The following ANAPC5 variants were observed in gnomAD, a reference collection of about 807,000 sequenced individuals.
ANAPC5 encodes the protein anaphase promoting complex subunit 5.
In ANAPC5, 60 loss-of-function variants were observed where a neutral mutation model predicts 91.3. The ratio of observed to expected loss-of-function variants is 0.66; its 90% CI spans 0.53 to 0.81. ANAPC5 has a LOEUF of 0.81. ANAPC5 is among the 40% of genes least tolerant of loss of function. The pLI, the probability that ANAPC5 is intolerant of heterozygous loss-of-function variation, is 0.00. For missense variants in ANAPC5, 690 were observed against 931.5 expected (o/e 0.74, Z 3.37); for synonymous variants, 340 against 364.1 (o/e 0.93, Z 0.75).
intron 6 of ANAPC5, 56 bp from the exon 7 acceptor site, chr12:121,335,779 A>G: frequency 6.9e-7 from 1 of 1,440,668 alleles, no homozygotes; most frequent in Non-Finnish European, 9.6e-7. Context: ...CTGGTGTAAG[A>G]CAACTGCAGA....
chr12:121,352,352 ACT>A lies in ANAPC5; in HGVS notation c.-14_-13del, dbSNP rs781828900. 1.1e-5 allele frequency: 17 copies of A among 1,585,950 alleles called. No individual in the cohort carries two copies. The Admixed American group carries it at 3.0e-4, about 28-fold the overall frequency. ...TGGACGCTGGCCATGGCGGCCCGAG[ACT>A]AAGTCTCGGGCCCGCGGCGCGCTGC... is the stretch of plus-strand genomic sequence containing the variant. On this transcript the variant is annotated 5_prime_UTR_variant, in exon 1 of 17. Coordinates refer to ENST00000261819, the MANE Select transcript of ANAPC5 (RefSeq NM_016237.5).
At position 121,331,401 on chromosome 12, in the gene ANAPC5, C is replaced by A; in HGVS notation, c.978G>T (p.Glu326Asp). 1.2e-6 allele frequency: 2 copies of A among 1,609,072 alleles called. No individual in the cohort carries two copies. The highest frequency in any genetic ancestry group is 2.2e-5 in the South Asian group (2 of 90,970). Residue 326 changes from glutamate (E) to aspartate (D), a missense_variant, in exon 8 of 17, where the codon GAG (glutamate) becomes GAT (aspartate). Transcript: ENST00000261819. Reference sequence around the variant, plus strand: ...TGGACTCCTGGGCAATCCTAATTGCCTCCTGCAGGGCGAGCTCTGCCTGTT... The same window carrying A: ...TGGACTCCTGGGCAATCCTAATTGCATCCTGCAGGGCGAGCTCTGCCTGTT... ...HYQQAELALQ[E>D]AIRIAQESND...
At chr12:121,311,889 C>G (rs1032955529) in intron 15 of ANAPC5, among the ~76,000 whole-genome samples, 3 of 152,144 alleles carry the variant, frequency 2.0e-5, no homozygotes, top group African/African-American at 7.2e-5. Flanking sequence ...CAATATCCCA[C>G]CTTTCAATCG....
At position 121,308,321 on chromosome 12, in the gene ANAPC5, C is replaced by T; in HGVS notation, c.*159G>A. On this transcript the variant is annotated 3_prime_UTR_variant, in exon 17 of 17. Coordinates refer to ENST00000261819, the MANE Select transcript of ANAPC5 (RefSeq NM_016237.5). ...AAAAGGGAAGAAAAGGGGAATAAAA[C>T]AAATACGTAGTTACTAGCAACAAAA... is the stretch of plus-strand genomic sequence containing the variant. 3.2e-6 allele frequency: 2 copies of T among 621,098 alleles called. No homozygotes were observed. The highest frequency in any genetic ancestry group is 4.3e-5 in the South Asian group (2 of 46,458). 38.5% of individuals were successfully genotyped at this position (621,098 alleles called of 1,614,324 possible). A position where few individuals can be genotyped will look rare whatever the true frequency, so the allele number is the denominator to read the frequency against.
intron 15 of ANAPC5, among the ~76,000 whole-genome samples, chr12:121,314,485 C>T (rs1247583575): frequency 6.6e-6 from 1 of 151,934 alleles, no homozygotes; most frequent in Non-Finnish European, 1.5e-5. Context: ...AATCCAATAC[C>T]TTTTCATGAA....
intron 11 of ANAPC5, among the ~76,000 whole-genome samples, chr12:121,323,074 A>T (rs1902685357): frequency 6.6e-6 from 1 of 152,184 alleles, no homozygotes; most frequent in Non-Finnish European, 1.5e-5. Context: ...TGGAAATGAC[A>T]GGCACTTTTA....
intron 10 of ANAPC5, 163 bp from the exon 11 acceptor site, chr12:121,327,394 G>T: frequency 1.3e-6 from 1 of 797,274 alleles, no homozygotes; most frequent in Non-Finnish European, 1.9e-6. Context: ...TTGCCCTCAG[G>T]ATAAGAAAGG....
rs1430503368 is a variant in ANAPC5 at position 121,320,470 on chromosome 12, AAC to A, written c.1441-13_1441-12del. 7.4e-6 allele frequency: 12 copies of A among 1,613,104 alleles called. No homozygotes were observed. Among genetic ancestry groups the A allele is most frequent in the Non-Finnish European group, 1.0e-5 (12 of 1,179,192 alleles). On this transcript the variant is annotated splice_polypyrimidine_tract_variant and intron_variant, in intron 11 of 16. Coordinates refer to ENST00000261819, the MANE Select transcript of ANAPC5 (RefSeq NM_016237.5). Reference sequence around the variant, plus strand: ...TGCAGCAAAACAGCCCTAAAGTAGAAACACACAATTTGATCAGCATAACCTGT... The same window carrying A: ...TGCAGCAAAACAGCCCTAAAGTAGAAACACAATTTGATCAGCATAACCTGT...
intron 1 of ANAPC5, among the ~76,000 whole-genome samples, chr12:121,351,552 G>A (rs1428763194): frequency 2.0e-5 from 3 of 151,336 alleles, no homozygotes; most frequent in Admixed American, 6.6e-5. Flanking sequence ...CCGCTTCCCA[G>A]GTTCTAGCGA....
intron 10 of ANAPC5, 63 bp downstream of exon 10, chr12:121,328,253 C>A (rs1902898076): frequency 6.6e-7 from 1 of 1,517,454 alleles, no homozygotes; most frequent in East Asian, 2.3e-5. Flanking sequence ...TTTCACAGAA[C>A]CAGCTTGCTA....
At chr12:121,339,813 G>A (rs1903373907) in intron 5 of ANAPC5, among the ~76,000 whole-genome samples, 1 of 150,044 alleles carries the variant, frequency 6.7e-6, no homozygotes, top group Non-Finnish European at 1.5e-5. Flanking sequence ...ACATGGAGAT[G>A]CTTTCAATTT....
At chr12:121,312,300 A>G (rs1471378638) in intron 15 of ANAPC5, among the ~76,000 whole-genome samples, 4 of 152,324 alleles carry the variant, frequency 2.6e-5, no homozygotes, top group Admixed American at 6.5e-5. Context: ...GCAGTGGCTC[A>G]TGCCTGTAAT....
At chr12:121,319,535 C>G (rs1043347502) in intron 13 of ANAPC5, among the ~76,000 whole-genome samples, 162 bp downstream of exon 13, 12 of 152,054 alleles carry the variant, frequency 7.9e-5, no homozygotes, top group African/African-American at 2.7e-4. Flanking sequence ...TGCCCAGTTA[C>G]AGGTGTAAGT....
chr12:121,331,655 G>A, intron 7 of ANAPC5: 1 of 339,330 alleles, frequency 2.9e-6, no homozygotes. Flanking sequence ...GCTACGAAAA[G>A]GGCATAAAGC....
At position 121,352,319 on chromosome 12, in the gene ANAPC5, G is replaced by C; in HGVS notation, c.22C>G (p.Leu8Val). The change falls in exon 1 of 17, where the codon CTC becomes GTC. Residue 8 changes from leucine (L) to valine (V), a missense_variant. Around this residue, in one of 5 missense-constraint regions of ANAPC5, gnomAD observed 238 missense variants for 264.9 expected, o/e 0.90. Transcript: ENST00000261819. MASVHES[L>V]YFNPMMTNGV... The stretch of plus-strand genomic sequence containing the variant: ...TTGGTCATCATGGGATTGAAGTAGA[G>C]GCTCTCGTGGACGCTGGCCATGGCG... The C allele has an allele frequency of 6.2e-7, 1 of 1,608,060 alleles. No homozygotes were observed. Among genetic ancestry groups the C allele is most frequent in the Non-Finnish European group, 8.5e-7 (1 of 1,175,060 alleles).
intron 11 of ANAPC5, chr12:121,321,187 T>C (rs1459082048): frequency 1.3e-5 from 2 of 151,734 alleles, no homozygotes; most frequent in Non-Finnish European, 2.9e-5. Context: ...AGGCAGAGGT[T>C]GTGGTGCACT....
chr12:121,320,423 A>T lies in ANAPC5; in HGVS notation c.1477T>A (p.Leu493Met). 6.2e-7 allele frequency: 1 copy of T among 1,613,848 alleles called. No homozygotes were observed. Among genetic ancestry groups the T allele is most frequent in the Non-Finnish European group, 8.5e-7 (1 of 1,179,778 alleles). ...CTATTAGGCGGAAATCGTTCCTTCA[A>T]GTGCTTTAACACTTCAGAAGCTGCA... is the stretch of plus-strand genomic sequence containing the variant. ...FAAASEVLKH[L>M]KERFPPNSQH... Residue 493 changes from leucine to methionine, a missense_variant, in exon 12 of 17, where the codon TTG (leucine) becomes ATG (methionine). Transcript: ENST00000261819.
At chr12:121,337,502 G>A in intron 5 of ANAPC5, 110 bp from the exon 6 acceptor site, 5 of 784,302 alleles carry the variant, frequency 6.4e-6, no homozygotes, top group Non-Finnish European at 9.9e-6. Flanking sequence ...GGTCCCTTCA[G>A]GCTCTGGCCC....
chr12:121,320,513 G>T, intron 11 of ANAPC5, 54 bp from the exon 12 acceptor site: 6 of 1,453,606 alleles, frequency 4.1e-6, no homozygotes, highest in Non-Finnish European at 5.8e-6. Flanking sequence ...ATCCACACCT[G>T]CTGTACCATG....
Sources: allele counts gnomAD v4.1 joint callset (sites outside exome capture counted in the v4.1 genomes callset), GRCh38; gene constraint gnomAD v4.1.1; regional missense constraint gnomAD v4.1.1; transcripts MANE v1.5; gene names NCBI Gene and HGNC (gene_info 2026-07-23, HGNC 2026-07-21).